MCMBP: variants seen among roughly 807,000 people sequenced by gnomAD.
MCMBP encodes mini-chromosome maintenance complex-binding protein.
In MCMBP, 31 loss-of-function variants were observed where a neutral mutation model predicts 81.3. The observed-to-expected ratio is 0.38, with a 90% CI of 0.29 to 0.51. MCMBP has a LOEUF of 0.51. Ranked by LOEUF, MCMBP falls within the 20% of genes least tolerant of loss-of-function variation. The pLI is 0.87. For synonymous variants in MCMBP, 267 were observed against 275.9 expected, an observed-to-expected ratio of 0.97 and a Z score of 0.32; for missense variants, 645 against 772.1, an observed-to-expected ratio of 0.84 and a Z score of 1.95.
chr10:119,873,394 T>C (rs1853785493), upstream of MCMBP: 1 of 152,170 alleles, frequency 6.6e-6, no homozygotes, highest in Non-Finnish European at 1.5e-5. Context: ...CCTTCTGCAG[T>C]CGCGTCAGGC....
chr10:119,870,794 C>T (rs1288400254), intron 1 of MCMBP, among the ~76,000 whole-genome samples: 1 of 152,128 alleles, frequency 6.6e-6, no homozygotes, highest in Non-Finnish European at 1.5e-5. Flanking sequence ...CTTCTACGAA[C>T]ACATTATGAC....
intron 6 of MCMBP, among the ~76,000 whole-genome samples, chr10:119,850,796 C>A (rs1023399819): frequency 6.7e-6 from 1 of 149,400 alleles, no homozygotes; most frequent in Non-Finnish European, 1.5e-5. Context: ...ATATCCACTT[C>A]CTGGTTATGA....
chr10:119,847,382 GC>G (rs1280534735), intron 8 of MCMBP, among the ~76,000 whole-genome samples: 4 of 152,156 alleles, frequency 2.6e-5, no homozygotes, highest in Non-Finnish European at 5.9e-5. Flanking sequence ...ATGTTGACAA[GC>G]AGTTAGGGGT....
At chr10:119,859,262 A>C in intron 2 of MCMBP, 81 bp from the exon 3 acceptor site, 2 of 1,266,800 alleles carry the variant, frequency 1.6e-6, no homozygotes, top group East Asian at 4.8e-5. Flanking sequence ...CTTTATATCC[A>C]GACTCAAACT....
chr10:119,840,100 C>T (rs1831411656), intron 11 of MCMBP, among the ~76,000 whole-genome samples: 2 of 151,984 alleles, frequency 1.3e-5, no homozygotes, highest in South Asian at 4.1e-4. Context: ...TTTACTTTAT[C>T]TTCTAGTTTG....
At chr10:119,843,125 T>C (rs375584564) in intron 9 of MCMBP, 129 bp downstream of exon 9, 18 of 1,016,582 alleles carry the variant, frequency 1.8e-5, no homozygotes, top group Non-Finnish European at 2.8e-5. Context: ...GAGAGAGAGA[T>C]TACTGAAAAC....
At position 119,829,511 on chromosome 10, in the gene MCMBP, A is replaced by C. The variant is rs1218351169; in HGVS notation, c.*1963T>G. ...TCCAAACAGGGTTACACAGGAGTCT[A>C]CTCAGTTTCCTGGCCATACAGGATT... On this transcript the variant is annotated 3_prime_UTR_variant, in exon 16 of 16. Transcript: ENST00000369077. 1 of 152,216 alleles carries C rather than the reference A, an allele frequency of 6.6e-6. No homozygotes were observed. Among genetic ancestry groups the C allele is most frequent in the Admixed American group, 6.5e-5 (1 of 15,282 alleles). The allele number at this position is 152,216 out of a possible 1,614,324, so 9.4% of individuals were successfully genotyped here. A position where few individuals can be genotyped will look rare whatever the true frequency, so the allele number is the denominator to read the frequency against.
chr10:119,872,304 G>T (rs1411257530), intron 1 of MCMBP, among the ~76,000 whole-genome samples: 1 of 151,976 alleles, frequency 6.6e-6, no homozygotes, highest in Non-Finnish European at 1.5e-5. Context: ...CCCAAGCTGC[G>T]ACTCGGGCAG....
At position 119,830,904 on chromosome 10, in the gene MCMBP, T is replaced by C. The variant is rs937171446; in HGVS notation, c.*570A>G. The stretch of plus-strand genomic sequence containing the variant: ...TGTACAAGTTTAGTTTTGCAGGCTG[T>C]TAACAAATGTTAAGTGGGAAAAAGT... On this transcript the variant is annotated 3_prime_UTR_variant, in exon 16 of 16. Transcript: ENST00000369077. 13 of 152,618 alleles carry C rather than the reference T, an allele frequency of 8.5e-5. No homozygotes were observed. Among genetic ancestry groups the C allele is most frequent in the African/African-American group, 2.9e-4 (12 of 41,432 alleles). The allele number at this position is 152,618 out of a possible 1,614,324, so 9.5% of individuals were successfully genotyped here.
At chr10:119,860,049 C>G (rs953456401) in intron 1 of MCMBP, among the ~76,000 whole-genome samples, 165 bp from the exon 2 acceptor site, 4 of 152,082 alleles carry the variant, frequency 2.6e-5, no homozygotes. Context: ...TTCAGTGTGT[C>G]TGAAGTACTG....
rs1208897370 is a variant in MCMBP at position 119,853,997 on chromosome 10, GAGAGTAGCCTGGGCAACAC to G, written c.430-822_430-804del. 2.0e-5 allele frequency among the ~76,000 whole-genome samples: 3 copies of G among 151,982 alleles called. No homozygotes were observed. In the East Asian group the frequency reaches 5.8e-4, roughly 29 times the overall value. ...GGAGGACCACTCAGCCCAGGAAGTT[GAGAGTAGCCTGGGCAACAC>G]AGTGAGAACTCATCTCTTTTTTCCT... On this transcript the variant is annotated intron_variant, in intron 5 of 15. Transcript: ENST00000369077.
intron 9 of MCMBP, 33 bp downstream of exon 9, chr10:119,843,221 G>T (rs1169222769): frequency 1.4e-5 from 23 of 1,611,554 alleles, no homozygotes; most frequent in African/African-American, 2.7e-5. Flanking sequence ...GCTAACAGTC[G>T]ATAGTTGACT....
chr10:119,857,763 C>CT (rs1360550953), intron 4 of MCMBP: 1 of 167,318 alleles, frequency 6.0e-6, no homozygotes, highest in Non-Finnish European at 1.3e-5. Flanking sequence ...TTCTTAGAGT[C>CT]TAACTCTTGG....
chr10:119,864,044 C>A (rs774229846), intron 1 of MCMBP, among the ~76,000 whole-genome samples: 1 of 151,440 alleles, frequency 6.6e-6, no homozygotes, highest in Non-Finnish European at 1.5e-5. Flanking sequence ...AATGTAATCA[C>A]AACGGTCCTT....
intron 8 of MCMBP, among the ~76,000 whole-genome samples, chr10:119,845,341 C>A (rs1852580393): frequency 6.8e-6 from 1 of 148,110 alleles, no homozygotes; most frequent in African/African-American, 2.5e-5. Context: ...GGACATCAGC[C>A]CTTGCTTTTG....
intron 11 of MCMBP, among the ~76,000 whole-genome samples, 168 bp from the exon 12 acceptor site, chr10:119,838,868 T>G (rs1375865275): frequency 2.0e-5 from 3 of 152,222 alleles, no homozygotes; most frequent in Non-Finnish European, 4.4e-5. Flanking sequence ...AGTATCTAGA[T>G]CTTACATTTG....
At position 119,836,963 on chromosome 10, in the gene MCMBP, T is replaced by C. The variant is rs202028604; in HGVS notation, c.1475A>G (p.Tyr492Cys). The C allele has an allele frequency of 5.0e-6, 8 of 1,613,876 alleles. No homozygotes were observed. The highest frequency in any genetic ancestry group is 4.0e-5 in the African/African-American group (3 of 75,002). The change falls in exon 13 of 16, where the codon TAC becomes TGC. Residue 492 changes from tyrosine to cysteine, a missense_variant. Transcript: ENST00000369077. ...ATTGCAGGGGAATTCCATCTGATGG[T>C]AGCTGAAGTCATAATCCACCTTCTG... ...TWQKVDYDFS[Y>C]HQMEFPCNIN... is the part of the protein sequence containing the mutation.
intron 9 of MCMBP, 30 bp from the exon 10 acceptor site, chr10:119,842,625 A>G (rs2134354390): frequency 6.2e-7 from 1 of 1,606,214 alleles, no homozygotes. Context: ...CTGAGTCAGG[A>G]CACACACTCC....
intron 13 of MCMBP, 102 bp downstream of exon 13, chr10:119,836,794 T>TTTTTTTAA: frequency 2.9e-6 from 1 of 347,138 alleles, no homozygotes; most frequent in Non-Finnish European, 4.9e-6. Context: ...TTTTTTTTTT[T>TTTTTTTAA]ACAACAAATG....
Sources: allele counts gnomAD v4.1 joint callset (sites outside exome capture counted in the v4.1 genomes callset), GRCh38; gene constraint gnomAD v4.1.1; transcripts MANE v1.5; gene names NCBI Gene and HGNC (gene_info 2026-07-23, HGNC 2026-07-21).